The following ROBO1 variants were observed in gnomAD, a reference collection of about 807,000 sequenced individuals.
ROBO1 encodes the protein roundabout homolog 1.
ROBO1 carries 149 observed loss-of-function variants against 195.9 expected under a neutral mutation model. The ratio of observed to expected loss-of-function variants is 0.76; its 90% CI spans 0.67 to 0.87. ROBO1 has a LOEUF of 0.87. ROBO1 is among the 40% of genes least tolerant of loss of function. The pLI is 0.00. For missense variants in ROBO1, 1,933 were observed against 2,068.3 expected, an observed-to-expected ratio of 0.93 and a Z score of 1.27; for synonymous variants, 816 against 733.2, an observed-to-expected ratio of 1.11 and a Z score of -1.82.
chr3:79,075,829 A>T (rs1034840276), intron 3 of ROBO1, among the ~76,000 whole-genome samples: 5 of 151,876 alleles, frequency 3.3e-5, no homozygotes, highest in Admixed American at 2.0e-4. Flanking sequence ...TAACATATAT[A>T]ATTATAGTAT....
chr3:79,532,982 G>T, intron 2 of ROBO1: 1 of 312,502 alleles, frequency 3.2e-6, no homozygotes. Flanking sequence ...TTAATCATCT[G>T]CTTTAAAAAA....
At position 79,211,906 on chromosome 3, in the gene ROBO1, C is replaced by G. The variant is rs149148105; in HGVS notation, c.89-86367G>C. Among the ~76,000 whole-genome samples, 185 of 152,288 alleles carry G rather than the reference C, an allele frequency of 1.2e-3. 1 individual carries two copies. The highest frequency in any genetic ancestry group is 5.4e-4 in the Non-Finnish European group (37 of 68,026). Reference sequence around the variant, plus strand: ...TCTCACAGCCTTCAGAGCTGAGAGCCTGGAACAGAGATTTACCCACATATT... The same window carrying G: ...TCTCACAGCCTTCAGAGCTGAGAGCGTGGAACAGAGATTTACCCACATATT... On this transcript the variant is annotated intron_variant, in intron 2 of 30. Transcript: ENST00000464233.
intron 3 of ROBO1, among the ~76,000 whole-genome samples, chr3:78,957,287 G>C (rs1289590878): frequency 6.7e-6 from 1 of 148,196 alleles, no homozygotes; most frequent in African/African-American, 2.5e-5. Context: ...CTAGATGCTG[G>C]TGATACAAGA....
At chr3:79,559,587 C>T (rs1236335754) in intron 2 of ROBO1, among the ~76,000 whole-genome samples, 1 of 152,168 alleles carries the variant, frequency 6.6e-6, no homozygotes, top group East Asian at 1.9e-4. Flanking sequence ...TATTAACACA[C>T]TTGTCAAACA....
chr3:79,622,797 C>A (rs533000505), intron 1 of ROBO1, among the ~76,000 whole-genome samples: 1 of 152,196 alleles, frequency 6.6e-6, no homozygotes, highest in Non-Finnish European at 1.5e-5. Flanking sequence ...GTGAGGTACA[C>A]CCCCTCCACC....
At chr3:79,644,247 T>C (rs1478796502) in intron 1 of ROBO1, among the ~76,000 whole-genome samples, 2 of 152,092 alleles carry the variant, frequency 1.3e-5, no homozygotes, top group African/African-American at 2.4e-5. Context: ...TAGACTACAA[T>C]ACAGTAAATG....
At chr3:78,602,045 A>AGTGTGT (rs10542402) in intron 29 of ROBO1, among the ~76,000 whole-genome samples, 5 of 150,012 alleles carry the variant, frequency 3.3e-5, no homozygotes, top group Admixed American at 3.3e-4. Context: ...CATGTGTGTG[A>AGTGTGT]GTGTGTGTGT....
chr3:79,733,735 C>A (rs1289945966), intron 1 of ROBO1, among the ~76,000 whole-genome samples: 1 of 152,152 alleles, frequency 6.6e-6, no homozygotes, highest in Non-Finnish European at 1.5e-5. Flanking sequence ...ATCATATTCT[C>A]TGTACTTACT....
At chr3:78,913,857 T>A (rs1032799239) in intron 4 of ROBO1, among the ~76,000 whole-genome samples, 3 of 152,190 alleles carry the variant, frequency 2.0e-5, no homozygotes, top group African/African-American at 7.2e-5. Flanking sequence ...AGCCCTTTTA[T>A]GTGTGCACAT....
chr3:79,254,228 C>T (rs1325476803), intron 2 of ROBO1, among the ~76,000 whole-genome samples: 1 of 152,038 alleles, frequency 6.6e-6, no homozygotes, highest in African/African-American at 2.4e-5. Context: ...TGTTTGATAT[C>T]AACAATATTA....
intron 1 of ROBO1, among the ~76,000 whole-genome samples, chr3:79,638,491 G>A (rs1336158548): frequency 6.6e-6 from 1 of 152,102 alleles, no homozygotes; most frequent in Non-Finnish European, 1.5e-5. Flanking sequence ...CCTGGCTCAG[G>A]ATGGTCTTGA....
intron 2 of ROBO1, among the ~76,000 whole-genome samples, chr3:79,503,620 T>C (rs1331461347): frequency 6.6e-6 from 1 of 152,174 alleles, no homozygotes; most frequent in African/African-American, 2.4e-5. Flanking sequence ...GATAGGTCTG[T>C]GTCGAAGGAG....
At chr3:78,783,414 TA>T (rs2083739735) in intron 4 of ROBO1, among the ~76,000 whole-genome samples, 1 of 152,190 alleles carries the variant, frequency 6.6e-6, no homozygotes, top group South Asian at 2.1e-4. Context: ...ATTTCATCTA[TA>T]CCTACAATCA....
chr3:79,455,282 T>C (rs1219470932), intron 2 of ROBO1, among the ~76,000 whole-genome samples: 1 of 152,124 alleles, frequency 6.6e-6, no homozygotes, highest in African/African-American at 2.4e-5. Context: ...AAATGCCACA[T>C]TTAACATCAA....
chr3:78,667,347 A>G (rs1707793762), intron 14 of ROBO1, among the ~76,000 whole-genome samples: 1 of 152,180 alleles, frequency 6.6e-6, no homozygotes. Context: ...CATACAGGGC[A>G]TAATAATCAC....
intron 2 of ROBO1, among the ~76,000 whole-genome samples, chr3:79,433,919 C>A (rs1346640155): frequency 1.3e-5 from 2 of 152,166 alleles, no homozygotes; most frequent in African/African-American, 4.8e-5. Context: ...ACCATCTGAT[C>A]TTTGAAAAAC....
intron 2 of ROBO1, among the ~76,000 whole-genome samples, chr3:79,148,281 G>C (rs780885791): frequency 6.6e-6 from 1 of 151,872 alleles, no homozygotes; most frequent in Non-Finnish European, 1.5e-5. Flanking sequence ...CAGTAAGAAT[G>C]AGAAGAAAGA....
intron 20 of ROBO1, among the ~76,000 whole-genome samples, chr3:78,646,524 T>C (rs1030725944): frequency 4.0e-5 from 6 of 151,390 alleles, no homozygotes; most frequent in African/African-American, 4.8e-5. Flanking sequence ...ATCTGTACAT[T>C]AGCATTCCGA....
chr3:79,345,282 T>G (rs552711737), intron 2 of ROBO1, among the ~76,000 whole-genome samples: 1 of 152,272 alleles, frequency 6.6e-6, no homozygotes, highest in African/African-American at 2.4e-5. Context: ...CTAAAATTGT[T>G]TTTGATTTCC....
Sources: gnomAD v4.1 joint callset for allele counts (sites outside exome capture counted in the v4.1 genomes callset) on GRCh38, gnomAD v4.1.1 for gene constraint, MANE v1.5 for transcripts, NCBI Gene and HGNC (gene_info 2026-07-23, HGNC 2026-07-21) for gene names.